The following NTNG1 variants were observed in gnomAD, a reference collection of about 807,000 sequenced individuals.
NTNG1 encodes netrin G1.
A neutral mutation model predicts 54.0 loss-of-function variants in NTNG1; 16 were observed. That is an observed-to-expected ratio of 0.30 (90% CI 0.20 to 0.45). The LOEUF (loss-of-function observed/expected upper bound fraction) is 0.45, where lower values mean the gene tolerates loss of function less well. NTNG1 is among the 20% of genes least tolerant of loss of function. The pLI is 1.00. For synonymous variants in NTNG1, 255 were observed against 263.1 expected, an observed-to-expected ratio of 0.97 and a Z score of 0.30; for missense variants, 530 against 678.7, an observed-to-expected ratio of 0.78 and a Z score of 2.43.
At chr1:107,246,441 G>A (rs10881460) in intron 2 of NTNG1, among the ~76,000 whole-genome samples, 18,362 of 150,764 alleles carry the variant, frequency 0.12, 1,535 homozygotes, top group East Asian at 0.4. Context: ...TGTGGGAAAG[G>A]AAAGCTTAAA....
intron 2 of NTNG1, among the ~76,000 whole-genome samples, chr1:107,223,269 T>C (rs764849484): frequency 1.2e-4 from 18 of 152,014 alleles, no homozygotes; most frequent in Non-Finnish European, 1.9e-4. Flanking sequence ...TGTCTGTGTG[T>C]GCGCATGTGT....
intron 3 of NTNG1, among the ~76,000 whole-genome samples, chr1:107,378,885 G>C (rs1232132034): frequency 6.6e-6 from 1 of 152,124 alleles, no homozygotes; most frequent in African/African-American, 2.4e-5. Context: ...ATGAAACAGA[G>C]GGCACTCTGT....
chr1:107,222,901 A>G (rs2101476694), intron 2 of NTNG1, among the ~76,000 whole-genome samples: 1 of 150,988 alleles, frequency 6.6e-6, no homozygotes, highest in South Asian at 2.1e-4. Context: ...GTTTAGTAGC[A>G]AGCTCAACCA....
chr1:107,318,672 C>T (rs181414139), intron 2 of NTNG1, among the ~76,000 whole-genome samples: 3 of 152,192 alleles, frequency 2.0e-5, no homozygotes, highest in African/African-American at 7.2e-5. Context: ...TGAACAGAAA[C>T]GTTTCGACTG....
At position 107,483,150 on chromosome 1, in the gene NTNG1, A is replaced by C. The variant is rs1159916053; in HGVS notation, c.*2310A>C. 1 of 152,242 alleles carries C rather than the reference A, an allele frequency of 6.6e-6. No individual in the cohort carries two copies. Among genetic ancestry groups the C allele is most frequent in the African/African-American group, 2.4e-5 (1 of 41,464 alleles). 9.4% of individuals were successfully genotyped at this position (152,242 alleles called of 1,614,324 possible). On this transcript the variant is annotated 3_prime_UTR_variant, in exon 8 of 8. Coordinates refer to ENST00000370068, the MANE Select transcript of NTNG1 (RefSeq NM_001113226.3). ...AAAATTAGAGTTTAAGTTGTCTTATAGTTTATTAGCACAAACCAAAGGCAG... is the reference window on the plus strand; with the variant it reads ...AAAATTAGAGTTTAAGTTGTCTTATCGTTTATTAGCACAAACCAAAGGCAG...
Position 107,457,444 on chromosome 1 carries a change from A to T in NTNG1, c.1390+20645A>T, listed in dbSNP as rs556332623. ...ATATACAGATATGAGCATTCATCCAACACAGTTATGTTGATTGTGTGATTA... is the reference window on the plus strand; with the variant it reads ...ATATACAGATATGAGCATTCATCCATCACAGTTATGTTGATTGTGTGATTA... On this transcript the variant is annotated intron_variant, in intron 7 of 7. Coordinates refer to ENST00000370068, the MANE Select transcript of NTNG1 (RefSeq NM_001113226.3). Among the ~76,000 whole-genome samples, 200 of 152,348 alleles carry T rather than the reference A, an allele frequency of 1.3e-3. 1 individual carries two copies. The highest frequency in any genetic ancestry group is 4.7e-3 in the African/African-American group (197 of 41,592).
At chr1:107,208,645 A>C (rs1426209619) in intron 2 of NTNG1, among the ~76,000 whole-genome samples, 2 of 152,118 alleles carry the variant, frequency 1.3e-5, no homozygotes, top group Non-Finnish European at 2.9e-5. Context: ...GCAAGTGACC[A>C]GCACCACACT....
intron 2 of NTNG1, among the ~76,000 whole-genome samples, chr1:107,308,258 T>A (rs140870385): frequency 4.6e-5 from 7 of 152,314 alleles, no homozygotes; most frequent in African/African-American, 9.6e-5. Flanking sequence ...ATTGCCTAGG[T>A]TGCTTCCAGG....
intron 2 of NTNG1, among the ~76,000 whole-genome samples, chr1:107,295,505 A>G (rs192978781): frequency 6.6e-6 from 1 of 152,288 alleles, no homozygotes; most frequent in Non-Finnish European, 1.5e-5. Context: ...TTGTAGTGTA[A>G]GCATGAAGAA....
intron 7 of NTNG1, among the ~76,000 whole-genome samples, chr1:107,450,422 G>A (rs1676553574): frequency 6.6e-6 from 1 of 152,120 alleles, no homozygotes; most frequent in South Asian, 2.1e-4. Flanking sequence ...GTTTCTGTCA[G>A]AGTATGGGCA....
At chr1:107,435,689 G>T (rs1004378520) in intron 6 of NTNG1, among the ~76,000 whole-genome samples, 2 of 152,162 alleles carry the variant, frequency 1.3e-5, no homozygotes, top group African/African-American at 4.8e-5. Context: ...GTTTTATTTG[G>T]TTTTTCATGA....
intron 2 of NTNG1, among the ~76,000 whole-genome samples, chr1:107,236,040 G>A (rs1557833168): frequency 6.6e-6 from 1 of 152,110 alleles, no homozygotes; most frequent in South Asian, 2.1e-4. Flanking sequence ...CAACATCAAG[G>A]ATGCCTACAT....
At chr1:107,475,342 C>G (rs1166604783) in intron 7 of NTNG1, among the ~76,000 whole-genome samples, 1 of 152,174 alleles carries the variant, frequency 6.6e-6, no homozygotes, top group Non-Finnish European at 1.5e-5. Context: ...AGTCCCAGTT[C>G]TACTCTCAAT....
intron 2 of NTNG1, among the ~76,000 whole-genome samples, chr1:107,248,422 T>C (rs779710433): frequency 6.6e-6 from 1 of 152,184 alleles, no homozygotes; most frequent in African/African-American, 2.4e-5. Context: ...TTTAGGAAAG[T>C]CTGGGATTTG....
At chr1:107,434,524 G>A (rs762968491) in intron 6 of NTNG1, among the ~76,000 whole-genome samples, 21 of 152,144 alleles carry the variant, frequency 1.4e-4, no homozygotes, top group Non-Finnish European at 2.5e-4. Flanking sequence ...TAATAATCCA[G>A]CTGACAAGCT....
chr1:107,369,012 A>G (rs976594026), intron 3 of NTNG1, among the ~76,000 whole-genome samples: 2 of 152,182 alleles, frequency 1.3e-5, no homozygotes, highest in African/African-American at 4.8e-5. Flanking sequence ...TGCATATTCT[A>G]GAGTTTTATA....
chr1:107,273,945 A>G (rs1427510319), intron 2 of NTNG1, among the ~76,000 whole-genome samples: 1 of 76,536 alleles, frequency 1.3e-5, no homozygotes, highest in African/African-American at 5.0e-5. Flanking sequence ...TATCATGATT[A>G]TCCAGTAACT....
chr1:107,258,295 A>G (rs1483785456), intron 2 of NTNG1, among the ~76,000 whole-genome samples: 2 of 151,804 alleles, frequency 1.3e-5, no homozygotes, highest in African/African-American at 2.4e-5. Context: ...GAGGAAAAAA[A>G]AAAACCCATG....
chr1:107,257,173 G>A (rs995027275), intron 2 of NTNG1, among the ~76,000 whole-genome samples: 1 of 152,094 alleles, frequency 6.6e-6, no homozygotes, highest in African/African-American at 2.4e-5. Context: ...TGCCTTTATC[G>A]TCATTTGGAC....
Sources: gnomAD v4.1 joint callset for allele counts (sites outside exome capture counted in the v4.1 genomes callset) on GRCh38, gnomAD v4.1.1 for gene constraint, MANE v1.5 for transcripts, NCBI Gene and HGNC (gene_info 2026-07-23, HGNC 2026-07-21) for gene names.